MARVELD3: variants seen among roughly 807,000 people sequenced by gnomAD.
MARVELD3 encodes MARVEL domain-containing protein 3.
A neutral mutation model predicts 33.5 loss-of-function variants in MARVELD3; 28 were observed. The observed-to-expected ratio is 0.84, with a 90% CI of 0.62 to 1.15. MARVELD3 has a LOEUF of 1.15. MARVELD3 is among the 50% of genes most tolerant of loss of function. MARVELD3 has a pLI of 0.00. For synonymous variants in MARVELD3, 241 were observed against 230.4 expected (o/e 1.05, Z -0.42); for missense variants, 582 against 547.6 (o/e 1.06, Z -0.63).
chr16:71,637,397 A>G (rs989919299), downstream of MARVELD3, among the ~76,000 whole-genome samples: 3 of 152,304 alleles, frequency 2.0e-5, no homozygotes, highest in African/African-American at 2.4e-5. Context: ...AGGGAGAGAA[A>G]GGTGTAGGGT....
Position 71,634,105 on chromosome 16 carries a change from A to T in MARVELD3, c.596-88A>T. On this transcript the variant is annotated intron_variant, in intron 2 of 2. Transcript: ENST00000268485. Reference sequence around the variant, plus strand: ...AGGGCCAGAAGCCTTCAGGGGTCTGAGCCCTGCGCGGAAGGTGGGCCTCAG... The same window carrying T: ...AGGGCCAGAAGCCTTCAGGGGTCTGTGCCCTGCGCGGAAGGTGGGCCTCAG... The T allele has an allele frequency of 3.3e-6, 5 of 1,531,340 alleles. No homozygotes were observed. In the South Asian group the frequency reaches 6.4e-5, roughly 20 times the overall value. The allele number at this position is 1,531,340 out of a possible 1,614,324, so 94.9% of individuals were successfully genotyped here.
chr16:71,640,505 G>C, downstream of MARVELD3: 1 of 1,614,108 alleles, frequency 6.2e-7, no homozygotes, highest in Non-Finnish European at 8.5e-7. Flanking sequence ...GTGGCTTTGG[G>C]AACAACTACT....
rs540749087 is a variant in MARVELD3 at position 71,635,585 on chromosome 16, C to T, written c.*782C>T. 238 of 982,106 alleles carry T rather than the reference C, an allele frequency of 2.4e-4. No homozygotes were observed. The African/African-American group carries it at 4.0e-3, about 16-fold the overall frequency. 60.8% of individuals were successfully genotyped at this position (982,106 alleles called of 1,614,324 possible). On this transcript the variant is annotated 3_prime_UTR_variant, in exon 3 of 3. Transcript: ENST00000268485. ...TTGTCCCACTACACTCTAGCCTGAGCAACAGACCAAGACCGTATTGCCAAA... is the reference window on the plus strand; with the variant it reads ...TTGTCCCACTACACTCTAGCCTGAGTAACAGACCAAGACCGTATTGCCAAA...
chr16:71,627,426 C>A (rs2044485006), intron 1 of MARVELD3, among the ~76,000 whole-genome samples: 1 of 152,026 alleles, frequency 6.6e-6, no homozygotes, highest in South Asian at 2.1e-4. Context: ...ATCGCTTGAA[C>A]CCGGGAGGCG....
chr16:71,639,785 C>T (rs2044604593), downstream of MARVELD3, among the ~76,000 whole-genome samples: 1 of 152,054 alleles, frequency 6.6e-6, no homozygotes, highest in African/African-American at 2.4e-5. Flanking sequence ...TAGGGTAGTC[C>T]ATGGTATGGG....
rs907420860 is a variant in MARVELD3 at position 71,634,917 on chromosome 16, C to T, written c.*114C>T. 7 of 1,480,148 alleles carry T rather than the reference C, an allele frequency of 4.7e-6. No homozygotes were observed. The highest frequency in any genetic ancestry group is 5.2e-5 in the Admixed American group (2 of 38,278). 91.7% of individuals were successfully genotyped at this position (1,480,148 alleles called of 1,614,324 possible). A position where few individuals can be genotyped will look rare whatever the true frequency, so the allele number is the denominator to read the frequency against. ...TTCCAGTGCTGGAAAAGCAGCGAGC[C>T]AGCGTTGGTGTGGTGGGCGGAGCTC... On this transcript the variant is annotated 3_prime_UTR_variant, in exon 3 of 3. Transcript: ENST00000268485.
At position 71,635,079 on chromosome 16, in the gene MARVELD3, G is replaced by C. The variant is rs1167678553; in HGVS notation, c.*276G>C. On this transcript the variant is annotated 3_prime_UTR_variant, in exon 3 of 3. Coordinates refer to ENST00000268485, the MANE Select transcript of MARVELD3 (RefSeq NM_052858.6). ...TCGGCGGCTCACACCTGTAACCCCA[G>C]CACTTTGGGAGGCTGAGGTGGGTGG... The C allele has an allele frequency of 1.8e-6, 2 of 1,084,266 alleles. No homozygotes were observed. Among genetic ancestry groups the C allele is most frequent in the African/African-American group, 3.3e-5 (2 of 60,990 alleles). The allele number at this position is 1,084,266 out of a possible 1,614,324, so 67.2% of individuals were successfully genotyped here.
chr16:71,635,997 G>C lies in MARVELD3; in HGVS notation c.*1194G>C. The C allele has an allele frequency of 1.0e-6, 1 of 985,380 alleles. No individual in the cohort carries two copies. Among genetic ancestry groups the C allele is most frequent in the Non-Finnish European group, 1.2e-6 (1 of 829,924 alleles). The allele number at this position is 985,380 out of a possible 1,614,324, so 61.0% of individuals were successfully genotyped here. On this transcript the variant is annotated 3_prime_UTR_variant, in exon 3 of 3. Transcript: ENST00000268485. ...ATTCAGGATTCATCCAGAATAAAAG[G>C]ATGTAAAATCTTTCCCAACAGAAGA... is the stretch of plus-strand genomic sequence containing the variant.
At chr16:71,641,727 C>G (rs2044621117) in exon 3 of MARVELD3, 1 of 152,296 alleles carries the variant, frequency 6.6e-6, no homozygotes. Flanking sequence ...GCACTCCAGC[C>G]TGGGTAACAG....
Position 71,626,713 on chromosome 16 carries a change from C to T in MARVELD3, c.467+17C>T, listed in dbSNP as rs537000610. The T allele has an allele frequency of 1.9e-4, 278 of 1,434,702 alleles. No individual in the cohort carries two copies. In the African/African-American group the frequency reaches 3.9e-3, roughly 20 times the overall value. The allele number at this position is 1,434,702 out of a possible 1,614,324, so 88.9% of individuals were successfully genotyped here. On this transcript the variant is annotated intron_variant, in intron 1 of 2. Transcript: ENST00000268485. The surrounding 1 kb of genome is among the most constrained non-coding windows in gnomAD (Gnocchi z 5.3). The stretch of plus-strand genomic sequence containing the variant: ...ACCCGAAAGGTGAGAGGGGCCGGGG[C>T]GCTGCGACCTCCGCGCCGGGGACAC...
chr16:71,626,244 G>C lies in MARVELD3; in HGVS notation c.15G>C (p.Ser5=), dbSNP rs1343760186. ...GGAACCCGGCCATGGAAGATCCGTC[G>C]GGGGCTCGCGAGCCCCGGGCCCGGC... The part of the protein sequence containing the change: MEDP[S]GAREPRARPR... The change falls in exon 1 of 3, where the codon TCG becomes TCC. Residue 5 remains serine (S), a synonymous_variant. Coordinates refer to ENST00000268485, the MANE Select transcript of MARVELD3 (RefSeq NM_052858.6). The surrounding 1 kb of genome is among the most constrained non-coding windows in gnomAD (Gnocchi z 5.3). 6.6e-7 allele frequency: 1 copy of C among 1,505,094 alleles called. No individual in the cohort carries two copies. The highest frequency in any genetic ancestry group is 1.3e-5 in the South Asian group (1 of 77,144). 93.2% of individuals were successfully genotyped at this position (1,505,094 alleles called of 1,614,324 possible). A position where few individuals can be genotyped will look rare whatever the true frequency, so the allele number is the denominator to read the frequency against.
chr16:71,638,488 G>A (rs975686942), downstream of MARVELD3: 1 of 152,548 alleles, frequency 6.6e-6, no homozygotes, highest in Non-Finnish European at 1.5e-5. Context: ...AGATTTAAAT[G>A]TGCTTTTTAT....
intron 2 of MARVELD3, among the ~76,000 whole-genome samples, chr16:71,631,801 G>C (rs140935620): frequency 6.6e-6 from 1 of 152,250 alleles, no homozygotes; most frequent in African/African-American, 2.4e-5. Flanking sequence ...GTAAAAAAAA[G>C]AAAGAAAACA....
At chr16:71,631,205 C>G (rs956876457) in intron 2 of MARVELD3, among the ~76,000 whole-genome samples, 1 of 152,184 alleles carries the variant, frequency 6.6e-6, no homozygotes, top group African/African-American at 2.4e-5. Context: ...GATATTGGCA[C>G]AACCTCACAG....
In MARVELD3 at chr16:71,634,887, G is replaced by A; in HGVS notation, c.*84G>A. 1 of 1,514,808 alleles carries A rather than the reference G, an allele frequency of 6.6e-7. No homozygotes were observed. The highest frequency in any genetic ancestry group is 8.8e-7 in the Non-Finnish European group (1 of 1,134,964). 93.8% of individuals were successfully genotyped at this position (1,514,808 alleles called of 1,614,324 possible). On this transcript the variant is annotated 3_prime_UTR_variant, in exon 3 of 3. Transcript: ENST00000268485. The stretch of plus-strand genomic sequence containing the variant: ...CCTTTCCCAAGAATCCCTTGTTGTG[G>A]AAGTTTCCAGTGCTGGAAAAGCAGC...
intron 1 of MARVELD3, among the ~76,000 whole-genome samples, chr16:71,627,638 C>T (rs1256557331): frequency 6.6e-6 from 1 of 152,122 alleles, no homozygotes; most frequent in African/African-American, 2.4e-5. Flanking sequence ...CAGCGTCATT[C>T]GAATCCCACG....
chr16:71,626,764 C>T lies in MARVELD3; in HGVS notation c.467+68C>T. 2 of 1,268,204 alleles carry T rather than the reference C, an allele frequency of 1.6e-6. No individual in the cohort carries two copies. Among genetic ancestry groups the T allele is most frequent in the South Asian group, 3.6e-5 (2 of 55,260 alleles). The allele number at this position is 1,268,204 out of a possible 1,614,324, so 78.6% of individuals were successfully genotyped here. A position where few individuals can be genotyped will look rare whatever the true frequency, so the allele number is the denominator to read the frequency against. ...CTGTGGCCCAGGCCGGCCCGCGAGG[C>T]CCTGGCGTCCCCGGGTTCTCGTCCT... is the stretch of plus-strand genomic sequence containing the variant. On this transcript the variant is annotated intron_variant, in intron 1 of 2. Coordinates refer to ENST00000268485, the MANE Select transcript of MARVELD3 (RefSeq NM_052858.6). The surrounding 1 kb of genome is among the most constrained non-coding windows in gnomAD (Gnocchi z 5.3).
chr16:71,634,931 T>G lies in MARVELD3; in HGVS notation c.*128T>G. 6.9e-7 allele frequency: 1 copy of G among 1,457,750 alleles called. No individual in the cohort carries two copies. Among genetic ancestry groups the G allele is most frequent in the Non-Finnish European group, 9.0e-7 (1 of 1,108,674 alleles). The allele number at this position is 1,457,750 out of a possible 1,614,324, so 90.3% of individuals were successfully genotyped here. On this transcript the variant is annotated 3_prime_UTR_variant, in exon 3 of 3. Transcript: ENST00000268485. The stretch of plus-strand genomic sequence containing the variant: ...AAGCAGCGAGCCAGCGTTGGTGTGG[T>G]GGGCGGAGCTCCCAGTCGCATGGAG...
chr16:71,635,425 C>G lies in MARVELD3; in HGVS notation c.*622C>G. On this transcript the variant is annotated 3_prime_UTR_variant, in exon 3 of 3. Coordinates refer to ENST00000268485, the MANE Select transcript of MARVELD3 (RefSeq NM_052858.6). The stretch of plus-strand genomic sequence containing the variant: ...ACCTCTTCATTCAGTAAAGGGAGGT[C>G]ACCAAGAGAATTTGATGAACCTTAC... 1 of 984,580 alleles carries G rather than the reference C, an allele frequency of 1.0e-6. No homozygotes were observed. The highest frequency in any genetic ancestry group is 1.2e-6 in the Non-Finnish European group (1 of 829,794). The allele number at this position is 984,580 out of a possible 1,614,324, so 61.0% of individuals were successfully genotyped here.
Sources: allele counts gnomAD v4.1 joint callset (sites outside exome capture counted in the v4.1 genomes callset), GRCh38; gene constraint gnomAD v4.1.1; non-coding constraint Gnocchi (gnomAD v3.1); transcripts MANE v1.5; gene names NCBI Gene and HGNC (gene_info 2026-07-23, HGNC 2026-07-21).